PSD2: variants seen among roughly 807,000 people sequenced by gnomAD.
PSD2 encodes the protein PH and SEC7 domain-containing protein 2.
Under a neutral mutation model 69.8 loss-of-function variants are expected in PSD2, and 38 were observed. The observed-to-expected ratio is 0.54, with a 90% CI of 0.42 to 0.71. The LOEUF (loss-of-function observed/expected upper bound fraction) is 0.71, where lower values mean the gene tolerates loss of function less well. Among genes scored for constraint, PSD2 ranks in the 30% least tolerant of loss-of-function variants. The pLI, the probability that PSD2 is intolerant of heterozygous loss-of-function variation, is 0.00. For synonymous variants in PSD2, 412 were observed against 423.0 expected (o/e 0.97, Z 0.32); for missense variants, 943 against 1,014.5 (o/e 0.93, Z 0.96).
At chr5:139,782,635 G>A in the PSD2 span, among the ~76,000 whole-genome samples, 1 of 151,988 alleles carries the variant, frequency 6.6e-6, no homozygotes, top group Non-Finnish European at 1.5e-5. Context: ...TGGGACTACA[G>A]GCGCATGCCA....
At chr5:139,747,468 GCTGTCC>G in the PSD2 span, among the ~76,000 whole-genome samples, 1 of 152,200 alleles carries the variant, frequency 6.6e-6, no homozygotes, top group African/African-American at 2.4e-5. The surrounding 1 kb of genome is among the most constrained non-coding windows in gnomAD (Gnocchi z 6.7). Context: ...GGGGCTGGGG[GCTGTCC>G]CTCCCTCTGG....
rs1042248745 is a variant in PSD2, at chr5:139,837,078, C to T, written c.1594+77C>T. ...GGCGCCACGGGCCACTCTTTGGGGACGAACATACAGGTGGACACGTAGTGG... is the reference window on the plus strand; with the variant it reads ...GGCGCCACGGGCCACTCTTTGGGGATGAACATACAGGTGGACACGTAGTGG... On this transcript the variant is annotated intron_variant, in intron 10 of 14. Transcript: ENST00000274710. The surrounding 1 kb of genome is among the most constrained non-coding windows in gnomAD (Gnocchi z 5.0). 38 of 1,592,518 alleles carry T rather than the reference C, an allele frequency of 2.4e-5. No individual in the cohort carries two copies. The East Asian group carries it at 3.4e-4, about 14-fold the overall frequency.
chr5:139,802,338 G>A (rs959260484), intron 1 of PSD2, among the ~76,000 whole-genome samples: 9 of 152,086 alleles, frequency 5.9e-5, no homozygotes, highest in South Asian at 2.1e-4. Context: ...TCTCTTGGCT[G>A]TTGAAGCAGA....
At position 139,822,918 on chromosome 5, in the gene PSD2, G is replaced by A. The variant is rs1490839469; in HGVS notation, c.1269+134G>A. On this transcript the variant is annotated intron_variant, in intron 7 of 14. Coordinates refer to ENST00000274710, the MANE Select transcript of PSD2 (RefSeq NM_032289.4). Reference sequence around the variant, plus strand: ...GAAGCGGTGGGGGTTGGGCAGCTTGGCTTCTAGATTTGGCCCCGCCCTAGT... The same window carrying A: ...GAAGCGGTGGGGGTTGGGCAGCTTGACTTCTAGATTTGGCCCCGCCCTAGT... The A allele has an allele frequency of 5.8e-6, 4 of 690,204 alleles. No individual in the cohort carries two copies. The Admixed American group carries it at 1.5e-4, about 26-fold the overall frequency. The allele number at this position is 690,204 out of a possible 1,614,324, so 42.8% of individuals were successfully genotyped here. A position where few individuals can be genotyped will look rare whatever the true frequency, so the allele number is the denominator to read the frequency against.
chr5:139,833,608 G>T (rs1263140504), intron 7 of PSD2, 94 bp from the exon 8 acceptor site: 6 of 835,912 alleles, frequency 7.2e-6, no homozygotes, highest in Non-Finnish European at 1.3e-5. Flanking sequence ...TGCCCTTAAT[G>T]CTGCCTCATC....
the PSD2 span, among the ~76,000 whole-genome samples, chr5:139,788,518 TG>T: frequency 1.1e-3 from 171 of 151,794 alleles, 1 homozygote; most frequent in Non-Finnish European, 1.8e-3. Flanking sequence ...GGGTAGAGAC[TG>T]GGGGGGGCAC....
In PSD2 at chr5:139,809,828, G is replaced by A. The variant is rs1419799976; in HGVS notation, c.371+17G>A. ...TCAGCTGGGGTGAGTGGATGTCTTG[G>A]GATGGGAGCTCACCACATTTGGCTG... On this transcript the variant is annotated intron_variant, in intron 2 of 14. Transcript: ENST00000274710. 6.2e-7 allele frequency: 1 copy of A among 1,612,500 alleles called. No homozygotes were observed. Among genetic ancestry groups the A allele is most frequent in the Non-Finnish European group, 8.5e-7 (1 of 1,179,654 alleles).
intron 13 of PSD2, 31 bp downstream of exon 13, chr5:139,838,803 C>T (rs1339360598): frequency 2.5e-6 from 4 of 1,597,282 alleles, no homozygotes; most frequent in Non-Finnish European, 3.4e-6. Context: ...ATTTTGCCTC[C>T]CCAGGCTGCC....
At chr5:139,833,930 A>C in intron 8 of PSD2, 139 bp downstream of exon 8, 1 of 691,574 alleles carries the variant, frequency 1.4e-6, no homozygotes, top group Non-Finnish European at 2.6e-6. Flanking sequence ...GTTAGAAACC[A>C]CTGAGCTCAA....
At position 139,837,282 on chromosome 5, in the gene PSD2, AG is replaced by A; in HGVS notation, c.1665+45del. 1 of 1,588,264 alleles carries A rather than the reference AG, an allele frequency of 6.3e-7. No homozygotes were observed. Among genetic ancestry groups the A allele is most frequent in the East Asian group, 2.3e-5 (1 of 44,324 alleles). Reference sequence around the variant, plus strand: ...GACCTTACTCAGAAAGGGCCAGCTCAGTCCCATCCCGCCCTGGCCTTGTGGC... The same window carrying A: ...GACCTTACTCAGAAAGGGCCAGCTCATCCCATCCCGCCCTGGCCTTGTGGC... On this transcript the variant is annotated intron_variant, in intron 11 of 14. Coordinates refer to ENST00000274710, the MANE Select transcript of PSD2 (RefSeq NM_032289.4). This position sits in a 1 kb window ranked among gnomAD's most constrained non-coding sequence, Gnocchi z 5.0.
chr5:139,797,422 T>C (rs1759558154), intron 1 of PSD2, among the ~76,000 whole-genome samples: 1 of 152,194 alleles, frequency 6.6e-6, no homozygotes, highest in African/African-American at 2.4e-5. Flanking sequence ...TGGTGCCTCT[T>C]GCAAGGTTGA....
chr5:139,818,843 TTTATG>T (rs1226547001), intron 5 of PSD2, among the ~76,000 whole-genome samples: 4 of 152,252 alleles, frequency 2.6e-5, no homozygotes, highest in Admixed American at 6.5e-5. Flanking sequence ...GAGTTTTGAA[TTTATG>T]TTATATTTTC....
In PSD2 at chr5:139,839,787, C is replaced by T. The variant is rs796203263; in HGVS notation, c.1969-240C>T. On this transcript the variant is annotated intron_variant, in intron 13 of 14. Transcript: ENST00000274710. This position sits in a 1 kb window ranked among gnomAD's most constrained non-coding sequence, Gnocchi z 5.1. ...GAGCATCTCTTGTCTCCCAAGCCTG[C>T]GGTGGGGTGGCTGGGGGGCATCGAG... Among the ~76,000 whole-genome samples, 7 of 151,968 alleles carry T rather than the reference C, an allele frequency of 4.6e-5. No individual in the cohort carries two copies. The highest frequency in any genetic ancestry group is 7.3e-5 in the African/African-American group (3 of 41,336).
chr5:139,804,388 A>C (rs1253219541), intron 1 of PSD2, among the ~76,000 whole-genome samples: 1 of 152,156 alleles, frequency 6.6e-6, no homozygotes, highest in Non-Finnish European at 1.5e-5. Flanking sequence ...TGTCCAGATT[A>C]GGGTATGGAA....
At chr5:139,786,619 T>A in the PSD2 span, among the ~76,000 whole-genome samples, 1 of 152,056 alleles carries the variant, frequency 6.6e-6, no homozygotes, top group African/African-American at 2.4e-5. Flanking sequence ...CAGGCTTCAC[T>A]TCAAAGGGGC....
At chr5:139,752,543 T>C in the PSD2 span, among the ~76,000 whole-genome samples, 1 of 152,068 alleles carries the variant, frequency 6.6e-6, no homozygotes, top group Non-Finnish European at 1.5e-5. Context: ...AACAGGTGCA[T>C]ACAGATGCAC....
chr5:139,760,190 T>C, the PSD2 span, among the ~76,000 whole-genome samples: 1 of 152,198 alleles, frequency 6.6e-6, no homozygotes, highest in Non-Finnish European at 1.5e-5. Context: ...TGGGCCTGGC[T>C]GTGCACTCAG....
At chr5:139,756,229 C>A in the PSD2 span, among the ~76,000 whole-genome samples, 4 of 152,130 alleles carry the variant, frequency 2.6e-5, no homozygotes, top group Non-Finnish European at 4.4e-5. Context: ...TGCCGCTGCG[C>A]CCCCCCTTTC....
the PSD2 span, among the ~76,000 whole-genome samples, chr5:139,784,361 T>A: frequency 6.6e-6 from 1 of 152,136 alleles, no homozygotes; most frequent in Non-Finnish European, 1.5e-5. Context: ...CCCAGACTTT[T>A]CTGTCTGCCA....
Sources: allele counts gnomAD v4.1 joint callset (sites outside exome capture counted in the v4.1 genomes callset), GRCh38; gene constraint gnomAD v4.1.1; non-coding constraint Gnocchi (gnomAD v3.1); transcripts MANE v1.5; gene names NCBI Gene and HGNC (gene_info 2026-07-23, HGNC 2026-07-21).